Variants in CADM2 observed in about 807,000 individuals in gnomAD.
CADM2 encodes cell adhesion molecule 2.
A neutral mutation model predicts 49.8 loss-of-function variants in CADM2; 12 were observed. The ratio of observed to expected loss-of-function variants is 0.24; its 90% confidence interval spans 0.15 to 0.39. The LOEUF (loss-of-function observed/expected upper bound fraction) is 0.39. CADM2 is among the 10% of genes least tolerant of loss of function. The pLI is 1.00. For synonymous variants in CADM2, 214 were observed against 175.4 expected, an observed-to-expected ratio of 1.22 and a Z score of -1.74; for missense variants, 378 against 492.3, an observed-to-expected ratio of 0.77 and a Z score of 2.20.
At chr3:86,014,675 A>G (rs565400218) in intron 8 of CADM2, 1 of 1,553,066 alleles carries the variant, frequency 6.4e-7, no homozygotes, top group Non-Finnish European at 8.7e-7. Flanking sequence ...CAGTCATGGG[A>G]CAACTCAAAT....
chr3:86,014,709 G>C, intron 8 of CADM2: 2 of 1,522,674 alleles, frequency 1.3e-6, no homozygotes, highest in South Asian at 2.6e-5. Flanking sequence ...GGAACACCAT[G>C]CTGACATGTG....
chr3:85,398,275 T>C (rs2034899103), intron 1 of CADM2, among the ~76,000 whole-genome samples: 2 of 152,096 alleles, frequency 1.3e-5, no homozygotes, highest in South Asian at 4.1e-4. Context: ...TTTGTCCTTG[T>C]GATAGTTTGC....
chr3:85,515,515 C>T (rs1171012522), intron 1 of CADM2, among the ~76,000 whole-genome samples: 1 of 149,162 alleles, frequency 6.7e-6, no homozygotes, highest in East Asian at 2.0e-4. Context: ...CCTCTGCCCC[C>T]GGGTTCAAGC....
chr3:85,056,792 T>C (rs2036096598), intron 1 of CADM2, among the ~76,000 whole-genome samples: 1 of 152,218 alleles, frequency 6.6e-6, no homozygotes, highest in African/African-American at 2.4e-5. Context: ...TAGTCATAAA[T>C]GCTTTGGAGG....
chr3:85,320,163 T>A (rs548587650), intron 1 of CADM2, among the ~76,000 whole-genome samples: 1 of 152,328 alleles, frequency 6.6e-6, no homozygotes, highest in African/African-American at 2.4e-5. Flanking sequence ...AGGGTGCTAC[T>A]GGCATTTAGT....
At chr3:86,037,150 AT>A (rs747391538) in intron 8 of CADM2, among the ~76,000 whole-genome samples, 52 of 152,152 alleles carry the variant, frequency 3.4e-4, no homozygotes, top group Non-Finnish European at 6.6e-4. Flanking sequence ...TTGCTTTTGC[AT>A]TTTTTTGTAT....
At chr3:85,430,037 C>G (rs995873156) in intron 1 of CADM2, among the ~76,000 whole-genome samples, 2 of 152,144 alleles carry the variant, frequency 1.3e-5, no homozygotes, top group Admixed American at 1.3e-4. Context: ...TTTGAATGAA[C>G]ACATGATGGA....
intron 1 of CADM2, among the ~76,000 whole-genome samples, chr3:85,141,409 A>G (rs557906391): frequency 6.6e-6 from 1 of 152,302 alleles, no homozygotes; most frequent in African/African-American, 2.4e-5. Context: ...TATGGGAAAC[A>G]TTGTAAAAAC....
chr3:85,834,977 G>T (rs189288654), intron 3 of CADM2, among the ~76,000 whole-genome samples: 1 of 151,538 alleles, frequency 6.6e-6, no homozygotes, highest in African/African-American at 2.4e-5. Flanking sequence ...TCAATGTGTG[G>T]CTATATGTGA....
At chr3:85,817,831 A>C (rs529373458) in intron 3 of CADM2, among the ~76,000 whole-genome samples, 1 of 151,886 alleles carries the variant, frequency 6.6e-6, no homozygotes, top group Middle Eastern at 3.4e-3. Flanking sequence ...ATAAACAAAC[A>C]AAAAAACCTT....
intron 5 of CADM2, among the ~76,000 whole-genome samples, chr3:85,894,073 G>T (rs375912174): frequency 6.6e-6 from 1 of 152,056 alleles, no homozygotes. Flanking sequence ...CACTATTCAC[G>T]ATAGCAAAGA....
chr3:85,771,770 T>G (rs1002689249), intron 2 of CADM2, among the ~76,000 whole-genome samples: 1 of 152,002 alleles, frequency 6.6e-6, no homozygotes, highest in Admixed American at 6.6e-5. Flanking sequence ...CTTTCCAAAA[T>G]GAAATATGTT....
At chr3:85,244,244 A>T (rs1210781016) in intron 1 of CADM2, among the ~76,000 whole-genome samples, 2 of 152,090 alleles carry the variant, frequency 1.3e-5, no homozygotes, top group African/African-American at 2.4e-5. Flanking sequence ...TGGCAAAAAA[A>T]CTCAATAACA....
At chr3:85,346,576 GA>G (rs1331865110) in intron 1 of CADM2, among the ~76,000 whole-genome samples, 2 of 152,092 alleles carry the variant, frequency 1.3e-5, no homozygotes, top group African/African-American at 4.8e-5. Context: ...TTATTAATGA[GA>G]AAAGGCATTT....
chr3:85,401,039 T>C (rs551575645), intron 1 of CADM2, among the ~76,000 whole-genome samples: 180 of 152,298 alleles, frequency 1.2e-3, no homozygotes, highest in South Asian at 6.2e-4. Flanking sequence ...GGTTATGAAC[T>C]TCGACATGAT....
At chr3:85,305,026 A>G (rs910254285) in intron 1 of CADM2, among the ~76,000 whole-genome samples, 2 of 151,732 alleles carry the variant, frequency 1.3e-5, no homozygotes, top group African/African-American at 4.8e-5. Context: ...GACAGTTTAC[A>G]GAACATTTTT....
At chr3:85,765,958 C>A (rs563981170) in intron 2 of CADM2, among the ~76,000 whole-genome samples, 86 of 152,124 alleles carry the variant, frequency 5.7e-4, no homozygotes, top group Admixed American at 1.8e-3. Flanking sequence ...GAATAAATGC[C>A]CCTCATATGC....
intron 1 of CADM2, among the ~76,000 whole-genome samples, chr3:84,970,882 T>C (rs1416543496): frequency 6.6e-6 from 1 of 152,044 alleles, no homozygotes; most frequent in Non-Finnish European, 1.5e-5. Flanking sequence ...GGGAAGGTAG[T>C]TTTTGTTGCA....
At chr3:85,253,149 A>G (rs577479682) in intron 1 of CADM2, among the ~76,000 whole-genome samples, 2 of 152,188 alleles carry the variant, frequency 1.3e-5, no homozygotes, top group African/African-American at 2.4e-5. Context: ...AGCCTTAGGT[A>G]TTACTGGCAG....
Sources: allele counts gnomAD v4.1 joint callset (sites outside exome capture counted in the v4.1 genomes callset), GRCh38; gene constraint gnomAD v4.1.1; transcripts MANE v1.5; gene names NCBI Gene and HGNC (gene_info 2026-07-23, HGNC 2026-07-21).